Variants in PXDC1 observed in about 807,000 individuals in gnomAD.
PXDC1 encodes the protein PX domain containing 1.
PXDC1 carries 13 observed loss-of-function variants against 24.4 expected under a neutral mutation model. The ratio of observed to expected loss-of-function variants is 0.53; its 90% CI spans 0.35 to 0.85. The LOEUF is 0.85. PXDC1 is among the 40% of genes least tolerant of loss of function. The pLI is 0.01. For synonymous variants in PXDC1, 162 were observed against 124.9 expected (o/e 1.30, Z -1.98); for missense variants, 344 against 309.3 (o/e 1.11, Z -0.84).
intron 1 of PXDC1, among the ~76,000 whole-genome samples, chr6:3,747,697 C>G (rs1406020385): frequency 6.6e-6 from 1 of 152,202 alleles, no homozygotes; most frequent in African/African-American, 2.4e-5. Flanking sequence ...TCCTGTAAGT[C>G]GGAGCCCCTT....
chr6:3,740,673 G>A (rs938264575), intron 1 of PXDC1, among the ~76,000 whole-genome samples: 1 of 152,084 alleles, frequency 6.6e-6, no homozygotes, highest in African/African-American at 2.4e-5. Flanking sequence ...AGCCAACCCC[G>A]AGAAACAGGC....
intron 3 of PXDC1, among the ~76,000 whole-genome samples, chr6:3,732,764 A>G (rs1390011164): frequency 6.6e-6 from 1 of 152,156 alleles, no homozygotes; most frequent in African/African-American, 2.4e-5. Flanking sequence ...ATCCTAGAAA[A>G]GCCAAGGTAC....
intron 4 of PXDC1, 61 bp downstream of exon 4, chr6:3,727,490 A>G: frequency 1.7e-6 from 2 of 1,203,340 alleles, no homozygotes; most frequent in Non-Finnish European, 2.4e-6. Flanking sequence ...GTGAGCCCCC[A>G]TCCCACAAGG....
At position 3,724,143 on chromosome 6, in the gene PXDC1, A is replaced by C. The variant is rs1760003448; in HGVS notation, c.579-407T>G. On this transcript the variant is annotated intron_variant, in intron 4 of 4. Transcript: ENST00000380283. The surrounding 1 kb of genome is among the most constrained non-coding windows in gnomAD (Gnocchi z 4.5). ...GAGAGAGGAGTGGTCACGAGCTCAC[A>C]GCCTGACCGCAGCAGAGATGACACA... 6.6e-6 allele frequency among the ~76,000 whole-genome samples: 1 copy of C among 152,134 alleles called. No homozygotes were observed. Among genetic ancestry groups the C allele is most frequent in the South Asian group, 2.1e-4 (1 of 4,834 alleles).
chr6:3,737,715 A>G lies in PXDC1; in HGVS notation c.348+342T>C, dbSNP rs1319455964. On this transcript the variant is annotated intron_variant, in intron 2 of 4. Transcript: ENST00000380283. The surrounding 1 kb of genome is among the most constrained non-coding windows in gnomAD (Gnocchi z 5.5). ...CACGTGTCTGTTCTAAAATCCCCTC[A>G]GCAAGACGGTGGATTCTGAGCAGAG... 1.0e-6 allele frequency: 1 copy of G among 984,976 alleles called. No homozygotes were observed. The highest frequency in any genetic ancestry group is 4.7e-5 in the South Asian group (1 of 21,292). The allele number at this position is 984,976 out of a possible 1,614,324, so 61.0% of individuals were successfully genotyped here. A position where few individuals can be genotyped will look rare whatever the true frequency, so the allele number is the denominator to read the frequency against.
chr6:3,744,905 G>T (rs1374092932), intron 1 of PXDC1, among the ~76,000 whole-genome samples: 1 of 152,168 alleles, frequency 6.6e-6, no homozygotes, highest in African/African-American at 2.4e-5. Context: ...TCACCACGTC[G>T]GCCAGGCTGG....
chr6:3,745,215 G>A (rs1328210562), intron 1 of PXDC1, among the ~76,000 whole-genome samples: 3 of 152,240 alleles, frequency 2.0e-5, no homozygotes, highest in Admixed American at 6.5e-5. Context: ...GCCACACCCA[G>A]AAGAGGGCGG....
intron 3 of PXDC1, among the ~76,000 whole-genome samples, chr6:3,732,847 A>C (rs1760232650): frequency 6.6e-6 from 1 of 152,112 alleles, no homozygotes; most frequent in African/African-American, 2.4e-5. Flanking sequence ...TCCCCATGGC[A>C]CCACCTCCCT....
At chr6:3,741,597 C>T (rs1434533411) in intron 1 of PXDC1, among the ~76,000 whole-genome samples, 1 of 152,210 alleles carries the variant, frequency 6.6e-6, no homozygotes, top group African/African-American at 2.4e-5. Flanking sequence ...CAGGAGGGGC[C>T]GCAGCTGATT....
At chr6:3,739,441 C>A (rs1760405369) in intron 1 of PXDC1, among the ~76,000 whole-genome samples, 1 of 152,252 alleles carries the variant, frequency 6.6e-6, no homozygotes, top group Non-Finnish European at 1.5e-5. Context: ...GTGGGGCTAT[C>A]TGATCCTGCC....
chr6:3,751,644 G>A lies in PXDC1; in HGVS notation c.-113C>T. On this transcript the variant is annotated 5_prime_UTR_variant, in exon 1 of 5. Coordinates refer to ENST00000380283, the MANE Select transcript of PXDC1 (RefSeq NM_183373.4). ...CTGTCCGTGGCCGGGGTCGTCCGGG[G>A]TCGGCCCGTCACTCCAAGGAGGCTG... The A allele has an allele frequency of 7.5e-7, 1 of 1,335,140 alleles. No individual in the cohort carries two copies. The highest frequency in any genetic ancestry group is 1.9e-5 in the South Asian group (1 of 52,962). The allele number at this position is 1,335,140 out of a possible 1,614,324, so 82.7% of individuals were successfully genotyped here.
chr6:3,727,733 C>G (rs577931840), intron 3 of PXDC1, 71 bp from the exon 4 acceptor site: 1 of 935,772 alleles, frequency 1.1e-6, no homozygotes, highest in Non-Finnish European at 1.7e-6. Flanking sequence ...TTGGAACTTA[C>G]TCCCATCTCC....
At chr6:3,730,288 G>T (rs1327093596) in intron 3 of PXDC1, among the ~76,000 whole-genome samples, 2 of 152,224 alleles carry the variant, frequency 1.3e-5, no homozygotes, top group African/African-American at 4.8e-5. Context: ...CAGCTGGCAG[G>T]TGTGCAGCAA....
At chr6:3,726,162 C>T (rs1029561233) in intron 4 of PXDC1, among the ~76,000 whole-genome samples, 1 of 152,204 alleles carries the variant, frequency 6.6e-6, no homozygotes, top group African/African-American at 2.4e-5. Flanking sequence ...AGACTCAGAG[C>T]CTGCACAACT....
At chr6:3,741,186 G>A (rs986500220) in intron 1 of PXDC1, among the ~76,000 whole-genome samples, 32 of 152,212 alleles carry the variant, frequency 2.1e-4, no homozygotes, top group African/African-American at 7.2e-4. Flanking sequence ...GAGTCTCGAG[G>A]GCCAAGTGGC....
chr6:3,750,430 T>A lies in PXDC1; in HGVS notation c.256+846A>T, dbSNP rs750053828. Among the ~76,000 whole-genome samples the A allele has an allele frequency of 1.4e-3, 209 of 145,510 alleles. 1 individual carries two copies. Among genetic ancestry groups the A allele is most frequent in the Middle Eastern group, 7.0e-3 (2 of 286 alleles). ...CCCGCCCCTTCTCCCCTCCCGGCCC[T>A]CCCAGGCGGCCCCTCTCCTCGGCCT... On this transcript the variant is annotated intron_variant, in intron 1 of 4. Coordinates refer to ENST00000380283, the MANE Select transcript of PXDC1 (RefSeq NM_183373.4).
At chr6:3,734,897 A>G (rs552416650) in intron 3 of PXDC1, among the ~76,000 whole-genome samples, 22 of 152,062 alleles carry the variant, frequency 1.4e-4, no homozygotes, top group Non-Finnish European at 2.9e-4. Context: ...CCAGCTTGGG[A>G]AACATGGCAA....
At chr6:3,744,526 G>A (rs1760522486) in intron 1 of PXDC1, among the ~76,000 whole-genome samples, 1 of 152,188 alleles carries the variant, frequency 6.6e-6, no homozygotes, top group African/African-American at 2.4e-5. Context: ...GGGAAAGAGG[G>A]AGTGAGATGG....
chr6:3,723,396 C>T lies in PXDC1; in HGVS notation c.*223G>A, dbSNP rs540011029. The T allele has an allele frequency of 1.0e-4, 60 of 578,676 alleles. No homozygotes were observed. Among genetic ancestry groups the T allele is most frequent in the African/African-American group, 9.9e-4 (53 of 53,742 alleles). The allele number at this position is 578,676 out of a possible 1,614,324, so 35.8% of individuals were successfully genotyped here. A position where few individuals can be genotyped will look rare whatever the true frequency, so the allele number is the denominator to read the frequency against. ...CTCAGAACACAGGCCCTGTGGCCTC[C>T]GGCTGTGACCTCAGCTTGCTGGAGA... On this transcript the variant is annotated 3_prime_UTR_variant, in exon 5 of 5. Transcript: ENST00000380283.
Sources: gnomAD v4.1 joint callset for allele counts (sites outside exome capture counted in the v4.1 genomes callset) on GRCh38, gnomAD v4.1.1 for gene constraint, Gnocchi (gnomAD v3.1) non-coding constraint, MANE v1.5 for transcripts, NCBI Gene and HGNC (gene_info 2026-07-23, HGNC 2026-07-21) for gene names.